C2orf74: variants seen among roughly 807,000 people sequenced by gnomAD.
C2orf74 encodes DPM1 ER membrane anchor 1.
In C2orf74, 14 loss-of-function variants were observed where a neutral mutation model predicts 17.9. The ratio of observed to expected loss-of-function variants is 0.78; its 90% CI spans 0.52 to 1.22. C2orf74 has a LOEUF of 1.22. C2orf74 is among the 50% of genes most tolerant of loss of function. The pLI, the probability that C2orf74 is intolerant of heterozygous loss-of-function variation, is 0.00. For missense variants in C2orf74, 217 were observed against 218.4 expected (o/e 0.99, Z 0.04); for synonymous variants, 79 against 72.6 (o/e 1.09, Z -0.44).
At chr2:61,152,494 T>C (rs1199323088) in intron 1 of C2orf74, among the ~76,000 whole-genome samples, 4 of 149,372 alleles carry the variant, frequency 2.7e-5, no homozygotes, top group Non-Finnish European at 3.0e-5. Flanking sequence ...TGAGCCGAGA[T>C]CATGCCATTG....
chr2:61,146,377 A>T (rs1374485015), intron 1 of C2orf74, among the ~76,000 whole-genome samples: 2 of 152,220 alleles, frequency 1.3e-5, no homozygotes, highest in East Asian at 3.8e-4. Context: ...ATACTCAAGA[A>T]ACTAATAGTC....
chr2:61,163,375 A>G (rs1171630152), intron 4 of C2orf74, 143 bp downstream of exon 4: 9 of 809,880 alleles, frequency 1.1e-5, no homozygotes, highest in African/African-American at 7.0e-5. Flanking sequence ...TTGGGAGGCC[A>G]AGGAGGGCGG....
chr2:61,151,164 T>A (rs1685216401), intron 1 of C2orf74, among the ~76,000 whole-genome samples: 1 of 150,944 alleles, frequency 6.6e-6, no homozygotes, highest in African/African-American at 2.4e-5. Context: ...AAAAATACAA[T>A]CATTAGCCAG....
intron 1 of C2orf74, among the ~76,000 whole-genome samples, chr2:61,149,487 T>C (rs1685161668): frequency 6.6e-6 from 1 of 151,804 alleles, no homozygotes; most frequent in Non-Finnish European, 1.5e-5. Flanking sequence ...AAGGCTGTCC[T>C]GGTCCAAGGT....
chr2:61,149,769 G>A (rs1402936627), intron 1 of C2orf74, among the ~76,000 whole-genome samples: 3 of 151,798 alleles, frequency 2.0e-5, no homozygotes, highest in Admixed American at 6.6e-5. Flanking sequence ...TAGTAAAGAT[G>A]GGGTCCTCCA....
intron 1 of C2orf74, among the ~76,000 whole-genome samples, chr2:61,156,188 G>T (rs1685386119): frequency 6.6e-6 from 1 of 152,128 alleles, no homozygotes; most frequent in Non-Finnish European, 1.5e-5. Flanking sequence ...AACAGAGCAA[G>T]ACCCAGTGTC....
chr2:61,162,592 G>A lies in C2orf74; in HGVS notation c.78G>A (p.Val26=). The A allele has an allele frequency of 1.3e-6, 2 of 1,543,106 alleles. No individual in the cohort carries two copies. The highest frequency in any genetic ancestry group is 2.4e-5 in the South Asian group (2 of 83,640). ...ICLICILLLL[V]VFLYKCFQGR... ...TCATTTGCATCCTCCTCTTATTGGTGGTTTTTTTATATAAATGGTATAAAT... is the reference window on the plus strand; with the variant it reads ...TCATTTGCATCCTCCTCTTATTGGTAGTTTTTTTATATAAATGGTATAAAT... Residue 26 remains valine, a synonymous_variant, in exon 2 of 5, where the codon GTG becomes GTA. Transcript: ENST00000432605.
rs1237117580 is a variant in C2orf74 at position 61,163,121 on chromosome 2, G to A, written c.279G>A (p.Lys93=). The change falls in exon 4 of 5, where the codon AAG becomes AAA. Residue 93 remains lysine (K), a synonymous_variant. Transcript: ENST00000432605. Reference sequence around the variant, plus strand: ...GCATTCTTGTCCAGAGACAGAGTAAGGAAGTGTTGGCCACACCCTTAGAAA... The same window carrying A: ...GCATTCTTGTCCAGAGACAGAGTAAAGAAGTGTTGGCCACACCCTTAGAAA... The part of the protein sequence containing the change: ...RPGILVQRQS[K]EVLATPLENR... 1 of 1,552,084 alleles carries A rather than the reference G, an allele frequency of 6.4e-7. No individual in the cohort carries two copies. The highest frequency in any genetic ancestry group is 8.7e-7 in the Non-Finnish European group (1 of 1,147,086).
At position 61,164,576 on chromosome 2, in the gene C2orf74, T is replaced by G; in HGVS notation, c.*49T>G. On this transcript the variant is annotated 3_prime_UTR_variant, in exon 5 of 5. Transcript: ENST00000432605. Reference sequence around the variant, plus strand: ...AAGAAAATGTAACGTTTGACTAACGTTGAAAGACTGAGGGTACAAAATCAT... The same window carrying G: ...AAGAAAATGTAACGTTTGACTAACGGTGAAAGACTGAGGGTACAAAATCAT... 1 of 1,368,724 alleles carries G rather than the reference T, an allele frequency of 7.3e-7. No individual in the cohort carries two copies. The highest frequency in any genetic ancestry group is 9.7e-7 in the Non-Finnish European group (1 of 1,035,268). 84.8% of individuals were successfully genotyped at this position (1,368,724 alleles called of 1,614,324 possible).
upstream of C2orf74, among the ~76,000 whole-genome samples, chr2:61,159,635 A>G (rs192407883): frequency 2.0e-5 from 3 of 152,204 alleles, no homozygotes; most frequent in Non-Finnish European, 4.4e-5. Flanking sequence ...TGGGACAGGT[A>G]AAGGGCTGAG....
chr2:61,164,649 T>TAAAGA lies in C2orf74; in HGVS notation c.*122_*123insAAAGA, dbSNP rs1306564417. ...GAATTAAGCAAATAAAGATATTATT[T>TAAAGA]TACCTTTGTGCAGAAAGGAGTGAGC... On this transcript the variant is annotated 3_prime_UTR_variant, in exon 5 of 5. Coordinates refer to ENST00000432605, the MANE Select transcript of C2orf74 (RefSeq NM_001143959.4). 1.2e-4 allele frequency: 106 copies of TAAAGA among 867,606 alleles called. 1 individual carries two copies. In the African/African-American group the frequency reaches 1.7e-3, roughly 14 times the overall value. 53.7% of individuals were successfully genotyped at this position (867,606 alleles called of 1,614,324 possible).
chr2:61,163,642 A>G (rs975948172), intron 4 of C2orf74, among the ~76,000 whole-genome samples: 3 of 151,616 alleles, frequency 2.0e-5, no homozygotes, highest in African/African-American at 7.3e-5. Context: ...TAATAATAGG[A>G]GATGGAGTTG....
At chr2:61,156,726 A>G (rs552846880) in intron 1 of C2orf74, among the ~76,000 whole-genome samples, 38 of 152,184 alleles carry the variant, frequency 2.5e-4, no homozygotes, top group African/African-American at 8.7e-4. Context: ...TCTGCAAAAA[A>G]ATACAAAAAG....
At chr2:61,158,167 T>G (rs1235612810), upstream of C2orf74, among the ~76,000 whole-genome samples, 1 of 152,204 alleles carries the variant, frequency 6.6e-6, no homozygotes, top group Admixed American at 6.5e-5. Context: ...CTACCCAGAC[T>G]GTCTTACTTT....
chr2:61,158,267 CAA>C (rs1226242988), upstream of C2orf74, among the ~76,000 whole-genome samples: 3 of 152,030 alleles, frequency 2.0e-5, no homozygotes, highest in Non-Finnish European at 2.9e-5. Flanking sequence ...GTTTTGTTAA[CAA>C]GAGGGAATAA....
At chr2:61,150,531 T>A (rs1665270) in intron 1 of C2orf74, among the ~76,000 whole-genome samples, 63,435 of 151,968 alleles carry the variant, frequency 0.42, 13,477 homozygotes, top group Middle Eastern at 0.5. Context: ...GGGCCTGCTG[T>A]AAGATCCACA....
chr2:61,152,974 G>A (rs1488288512), intron 1 of C2orf74, among the ~76,000 whole-genome samples: 2 of 151,102 alleles, frequency 1.3e-5, no homozygotes, highest in Admixed American at 1.3e-4. Flanking sequence ...TCAACATGGA[G>A]AAACCCCGTC....
rs1325720916 is a variant in C2orf74, at chr2:61,164,539, G to A, written c.*12G>A. The A allele has an allele frequency of 6.7e-7, 1 of 1,481,482 alleles. No individual in the cohort carries two copies. Among genetic ancestry groups the A allele is most frequent in the Non-Finnish European group, 9.0e-7 (1 of 1,114,052 alleles). 91.8% of individuals were successfully genotyped at this position (1,481,482 alleles called of 1,614,324 possible). The stretch of plus-strand genomic sequence containing the variant: ...AAGAGAGGAAATGAAGCTCAAAAAA[G>A]GGTAAGAGTGAAAGAAAATGTAACG... On this transcript the variant is annotated 3_prime_UTR_variant, in exon 5 of 5. Transcript: ENST00000432605.
At chr2:61,156,399 C>G (rs1230537050) in intron 1 of C2orf74, among the ~76,000 whole-genome samples, 2 of 151,600 alleles carry the variant, frequency 1.3e-5, no homozygotes, top group Non-Finnish European at 2.9e-5. Flanking sequence ...AAAATCAAAA[C>G]ATAAGCTATT....
Sources: gnomAD v4.1 joint callset for allele counts (sites outside exome capture counted in the v4.1 genomes callset) on GRCh38, gnomAD v4.1.1 for gene constraint, MANE v1.5 for transcripts, NCBI Gene and HGNC (gene_info 2026-07-23, HGNC 2026-07-21) for gene names.